Variants in LUZP2 observed in about 807,000 individuals in gnomAD.
The protein encoded by LUZP2 is leucine zipper protein 2.
In LUZP2, 52 loss-of-function variants were observed where a neutral mutation model predicts 51.6. The observed-to-expected ratio is 1.01, with a 90% CI of 0.81 to 1.27. The LOEUF (loss-of-function observed/expected upper bound fraction) is 1.27. LUZP2 is among the 50% of genes most tolerant of loss of function. The probability of loss-of-function intolerance (pLI) is 0.00; values close to 1 mark genes in which losing one functional copy is unlikely to be tolerated. For synonymous variants in LUZP2, 154 were observed against 137.3 expected (o/e 1.12, Z -0.85); for missense variants, 436 against 395.4 (o/e 1.10, Z -0.87).
chr11:24,973,364 G>GTTGTTTT (rs60764867), intron 7 of LUZP2, among the ~76,000 whole-genome samples: 1 of 102,996 alleles, frequency 9.7e-6, no homozygotes, highest in Non-Finnish European at 1.9e-5. Context: ...ATATTTATTA[G>GTTGTTTT]TTTTTTTTTT....
intron 5 of LUZP2, among the ~76,000 whole-genome samples, chr11:24,781,532 A>G (rs1849090906): frequency 6.6e-6 from 1 of 151,720 alleles, no homozygotes; most frequent in Non-Finnish European, 1.5e-5. Context: ...TAGATGGAGT[A>G]ATTTTCTCCA....
intron 1 of LUZP2, among the ~76,000 whole-genome samples, chr11:24,606,443 G>T (rs563840320): frequency 6.6e-6 from 1 of 151,940 alleles, no homozygotes; most frequent in Non-Finnish European, 1.5e-5. Flanking sequence ...GCTTAAGATG[G>T]GTTTATCCCC....
At chr11:24,683,760 T>G (rs1418045107) in intron 1 of LUZP2, among the ~76,000 whole-genome samples, 2 of 152,206 alleles carry the variant, frequency 1.3e-5, no homozygotes, top group African/African-American at 4.8e-5. Flanking sequence ...GGAGTGCCTC[T>G]TGCACTTACC....
intron 7 of LUZP2, among the ~76,000 whole-genome samples, chr11:24,970,829 C>T (rs72874373): frequency 6.6e-6 from 1 of 152,012 alleles, no homozygotes; most frequent in African/African-American, 2.4e-5. Context: ...TTAGAGTGAG[C>T]CAGAAACAAA....
chr11:24,814,902 G>A (rs1299566925), intron 5 of LUZP2, among the ~76,000 whole-genome samples: 4 of 150,576 alleles, frequency 2.7e-5, no homozygotes, highest in Non-Finnish European at 5.9e-5. Flanking sequence ...TGAGGCAGGA[G>A]AATGACATGA....
At chr11:24,540,270 T>C (rs987977189) in intron 1 of LUZP2, among the ~76,000 whole-genome samples, 18 of 152,228 alleles carry the variant, frequency 1.2e-4, no homozygotes, top group African/African-American at 3.4e-4. Context: ...ATAGATTGAA[T>C]GTTTGTTATG....
At position 24,577,514 on chromosome 11, in the gene LUZP2, A is replaced by T. The variant is rs112689216; in HGVS notation, c.62+80209A>T. 2.5e-3 allele frequency among the ~76,000 whole-genome samples: 383 copies of T among 152,242 alleles called. 1 individual carries two copies. The highest frequency in any genetic ancestry group is 8.9e-3 in the African/African-American group (368 of 41,548). Reference sequence around the variant, plus strand: ...TACTAGAGTTAGAAATAGAAGAAACATGCAACAATACAGGATTAAGGCTAT... The same window carrying T: ...TACTAGAGTTAGAAATAGAAGAAACTTGCAACAATACAGGATTAAGGCTAT... On this transcript the variant is annotated intron_variant, in intron 1 of 11. Coordinates refer to ENST00000336930, the MANE Select transcript of LUZP2 (RefSeq NM_001009909.4).
At chr11:25,013,109 A>C (rs1293215473) in intron 9 of LUZP2, among the ~76,000 whole-genome samples, 1 of 152,180 alleles carries the variant, frequency 6.6e-6, no homozygotes, top group East Asian at 1.9e-4. Context: ...TCTTAAGTGA[A>C]ATAAGCCGGG....
At chr11:25,040,471 A>G (rs1858020999) in intron 9 of LUZP2, among the ~76,000 whole-genome samples, 1 of 151,220 alleles carries the variant, frequency 6.6e-6, no homozygotes, top group South Asian at 2.1e-4. Context: ...ACACAAGTAG[A>G]AAATCACAAT....
At chr11:24,690,795 T>C (rs1213576505) in intron 1 of LUZP2, among the ~76,000 whole-genome samples, 1 of 152,070 alleles carries the variant, frequency 6.6e-6, no homozygotes, top group Admixed American at 6.6e-5. Context: ...GCTAGTAGAC[T>C]AAACAGGAAC....
intron 9 of LUZP2, among the ~76,000 whole-genome samples, chr11:25,022,676 A>C (rs112663420): frequency 6.6e-6 from 1 of 152,138 alleles, no homozygotes; most frequent in African/African-American, 2.4e-5. Flanking sequence ...AAAGTTATCT[A>C]GGAAATCTGT....
intron 7 of LUZP2, among the ~76,000 whole-genome samples, chr11:24,919,677 A>G (rs1056377103): frequency 2.0e-5 from 3 of 149,198 alleles, no homozygotes; most frequent in African/African-American, 4.9e-5. Context: ...TATATATATA[A>G]TGATTTAAAT....
intron 5 of LUZP2, among the ~76,000 whole-genome samples, chr11:24,810,401 G>A (rs1849984880): frequency 6.6e-6 from 1 of 152,124 alleles, no homozygotes; most frequent in Admixed American, 6.6e-5. Flanking sequence ...AAACACATCT[G>A]TTGTCAAGGT....
intron 5 of LUZP2, among the ~76,000 whole-genome samples, chr11:24,798,684 A>G (rs1849612944): frequency 6.6e-6 from 1 of 152,114 alleles, no homozygotes; most frequent in Non-Finnish European, 1.5e-5. Context: ...GGAGACTAGG[A>G]CTGTCTATCT....
chr11:25,006,903 C>T (rs189031620), intron 9 of LUZP2, among the ~76,000 whole-genome samples: 11 of 152,192 alleles, frequency 7.2e-5, no homozygotes, highest in African/African-American at 2.2e-4. Context: ...GGGACCCAAG[C>T]GGGTTGCTGC....
intron 9 of LUZP2, among the ~76,000 whole-genome samples, chr11:25,015,180 C>T (rs1373804023): frequency 1.3e-5 from 2 of 152,072 alleles, no homozygotes; most frequent in Non-Finnish European, 2.9e-5. Flanking sequence ...TAAATTCTCA[C>T]AAAACACTAA....
In LUZP2 at chr11:24,914,514, T is replaced by G; in HGVS notation, c.498T>G (p.Tyr166Ter). The G allele has an allele frequency of 6.2e-7, 1 of 1,609,742 alleles. No homozygotes were observed. Among genetic ancestry groups the G allele is most frequent in the South Asian group, 1.1e-5 (1 of 90,118 alleles). The stretch of plus-strand genomic sequence containing the variant: ...AAGCCCAGCTGAAGGAGCTTCGTTA[T>G]GGGAAGAAGGATTTATTATTTAAGG... ...KIQAQLKELRYGKKDLLFKAQ... is the reference protein window; with the variant it reads ...KIQAQLKELR The change falls in exon 7 of 12, where the codon TAT becomes TAG. Residue 166 changes from tyrosine (Y) to a stop codon, truncating the protein, a stop_gained. Coordinates refer to ENST00000336930, the MANE Select transcript of LUZP2 (RefSeq NM_001009909.4). LOFTEE classifies it high-confidence loss of function.
intron 1 of LUZP2, among the ~76,000 whole-genome samples, chr11:24,523,444 G>A (rs1404577806): frequency 6.6e-6 from 1 of 150,726 alleles, no homozygotes; most frequent in African/African-American, 2.4e-5. Context: ...ATTATGTTTA[G>A]TGAATAAACT....
intron 1 of LUZP2, among the ~76,000 whole-genome samples, chr11:24,726,051 A>T (rs1858464028): frequency 6.6e-6 from 1 of 152,144 alleles, no homozygotes; most frequent in Non-Finnish European, 1.5e-5. Context: ...TTGTGAGACG[A>T]AATATCTATT....
Sources: gnomAD v4.1 joint callset for allele counts (sites outside exome capture counted in the v4.1 genomes callset) on GRCh38, gnomAD v4.1.1 for gene constraint, MANE v1.5 for transcripts, NCBI Gene and HGNC (gene_info 2026-07-23, HGNC 2026-07-21) for gene names.